ZFYVE28: variants seen among roughly 807,000 people sequenced by gnomAD.
The protein encoded by ZFYVE28 is lateral signaling target protein 2 homolog.
In ZFYVE28, 40 loss-of-function variants were observed where a neutral mutation model predicts 82.1. The ratio of observed to expected loss-of-function variants is 0.49; its 90% CI spans 0.38 to 0.63. ZFYVE28 has a LOEUF of 0.63. Among genes scored for constraint, ZFYVE28 ranks in the 30% least tolerant of loss-of-function variants. The pLI, the probability that ZFYVE28 is intolerant of heterozygous loss-of-function variation, is 0.00. For missense variants in ZFYVE28, 1,321 were observed against 1,242.1 expected, an observed-to-expected ratio of 1.06 and a Z score of -0.96; for synonymous variants, 612 against 546.1, an observed-to-expected ratio of 1.12 and a Z score of -1.68.
rs1174917281 is a variant in ZFYVE28 at position 2,305,270 on chromosome 4, G to C, written c.1070C>G (p.Ser357Cys). 1.9e-6 allele frequency: 3 copies of C among 1,613,032 alleles called. No individual in the cohort carries two copies. The highest frequency in any genetic ancestry group is 2.5e-6 in the Non-Finnish European group (3 of 1,179,984). The change falls in exon 8 of 13, where the codon TCC becomes TGC. Residue 357 changes from serine (S) to cysteine (C), a missense_variant. Physicochemically the swap from Ser to Cys is moderately radical, Grantham distance 112. Transcript: ENST00000290974. ...GGCAATGGGCGGTGAAAGCAAAGAG[G>C]ACATCTCGTCCCCCGCCCTGTGGAC... The part of the protein sequence containing the change: ...RMVHRAGDEM[S>C]SLLSPPIACQ...
chr4:2,354,068 C>T lies in ZFYVE28; in HGVS notation c.45G>A (p.Ser15=), dbSNP rs762324351. 10 of 1,558,866 alleles carry T rather than the reference C, an allele frequency of 6.4e-6. No homozygotes were observed. The highest frequency in any genetic ancestry group is 3.7e-5 in the Admixed American group (2 of 53,434). The stretch of plus-strand genomic sequence containing the variant: ...AGAACCGGGCAAGCAGCTGCGGATC[C>T]GACCTCTGCAGGAGAGAGGGGCCAG... ...FRKWLYKPKR[S]DPQLLARFYY... The change falls in exon 2 of 13, where the codon TCG becomes TCA. Residue 15 remains serine (S), a synonymous_variant. Transcript: ENST00000290974.
intron 7 of ZFYVE28, among the ~76,000 whole-genome samples, chr4:2,314,721 A>G (rs1717959462): frequency 6.6e-6 from 1 of 152,174 alleles, no homozygotes. Context: ...CACAGACACT[A>G]TAATTATTTT....
At chr4:2,398,468 T>A (rs866212216) in intron 1 of ZFYVE28, among the ~76,000 whole-genome samples, 1 of 152,110 alleles carries the variant, frequency 6.6e-6, no homozygotes, top group Admixed American at 6.5e-5. Flanking sequence ...CATGGCAGGT[T>A]TTCACCTATA....
chr4:2,318,458 T>G (rs368912253), intron 7 of ZFYVE28, among the ~76,000 whole-genome samples: 1 of 152,152 alleles, frequency 6.6e-6, no homozygotes, highest in East Asian at 1.9e-4. Flanking sequence ...CTCAGGAGGC[T>G]GAGGCAGGAG....
At chr4:2,391,849 C>T (rs1384703975) in intron 1 of ZFYVE28, among the ~76,000 whole-genome samples, 1 of 151,410 alleles carries the variant, frequency 6.6e-6, no homozygotes, top group Non-Finnish European at 1.5e-5. Flanking sequence ...GATTCCCCTG[C>T]CTCAGGCTCC....
Position 2,380,384 on chromosome 4 carries a change from A to G in ZFYVE28, c.40-26311T>C, listed in dbSNP as rs534658223. Among the ~76,000 whole-genome samples, 192 of 152,282 alleles carry G rather than the reference A, an allele frequency of 1.3e-3. 1 individual carries two copies. Among genetic ancestry groups the G allele is most frequent in the African/African-American group, 4.5e-3 (189 of 41,550 alleles). ...GAGAGCAATAGAGGAACTTCCTGCC[A>G]CTCCAAGAACAACTGCCGAGTTATC... On this transcript the variant is annotated intron_variant, in intron 1 of 12. Transcript: ENST00000290974.
chr4:2,376,112 A>T (rs1409398078), intron 1 of ZFYVE28, among the ~76,000 whole-genome samples: 10 of 151,744 alleles, frequency 6.6e-5, no homozygotes, highest in Non-Finnish European at 1.0e-4. Flanking sequence ...TGACTTCGTG[A>T]TCCGCCCGCC....
chr4:2,405,602 G>A lies in ZFYVE28; in HGVS notation c.39+12683C>T, dbSNP rs533079209. 3.9e-5 allele frequency among the ~76,000 whole-genome samples: 6 copies of A among 152,366 alleles called. No homozygotes were observed. The South Asian group carries it at 8.3e-4, about 21-fold the overall frequency. On this transcript the variant is annotated intron_variant, in intron 1 of 12. Coordinates refer to ENST00000290974, the MANE Select transcript of ZFYVE28 (RefSeq NM_020972.3). ...GCCAGGAAGCCTTCCCTAGGTCAGA[G>A]GGAAGGGGCCGGGGCACAGGAGAGT...
chr4:2,271,821 G>A lies in ZFYVE28; in HGVS notation c.2324-42C>T, dbSNP rs376954264. The A allele has an allele frequency of 4.3e-5, 68 of 1,582,928 alleles. 2 individuals are homozygous for A. In the Middle Eastern group the frequency reaches 5.3e-4, roughly 12 times the overall value. On this transcript the variant is annotated intron_variant, in intron 10 of 12. Coordinates refer to ENST00000290974, the MANE Select transcript of ZFYVE28 (RefSeq NM_020972.3). ...GCCGTCGGGGTATGGTGAGGGAGGC[G>A]GGCAATTGATGCAGGGTCACCTGCA... is the stretch of plus-strand genomic sequence containing the variant.
At chr4:2,415,784 G>A (rs1483284207) in intron 1 of ZFYVE28, among the ~76,000 whole-genome samples, 1 of 152,170 alleles carries the variant, frequency 6.6e-6, no homozygotes, top group Non-Finnish European at 1.5e-5. Flanking sequence ...GCTTTGGTTT[G>A]AAAAATGAAA....
At chr4:2,278,095 G>T (rs1284270876) in intron 8 of ZFYVE28, among the ~76,000 whole-genome samples, 1 of 152,178 alleles carries the variant, frequency 6.6e-6, no homozygotes, top group Non-Finnish European at 1.5e-5. Context: ...AACAAATGCT[G>T]CCGGAAAACC....
At position 2,274,070 on chromosome 4, in the gene ZFYVE28, C is replaced by T; in HGVS notation, c.2198G>A (p.Cys733Tyr). Residue 733 changes from cysteine to tyrosine, a missense_variant, in exon 9 of 13, where the codon TGC (cysteine) becomes TAC (tyrosine). Coordinates refer to ENST00000290974, the MANE Select transcript of ZFYVE28 (RefSeq NM_020972.3). ...AGGCCCTGACATGACACCTGAAATG[C>T]AGACGAACAGGCGGTGGATGAGGTC... is the stretch of plus-strand genomic sequence containing the variant. ...SHDLIHRLFVCISGVADQLQT... is the reference protein window; with the variant it reads ...SHDLIHRLFVYISGVADQLQT... 1 of 1,614,004 alleles carries T rather than the reference C, an allele frequency of 6.2e-7. No homozygotes were observed. The highest frequency in any genetic ancestry group is 8.5e-7 in the Non-Finnish European group (1 of 1,179,964).
At chr4:2,351,919 C>A (rs532217647) in intron 2 of ZFYVE28, among the ~76,000 whole-genome samples, 1 of 152,268 alleles carries the variant, frequency 6.6e-6, no homozygotes, top group East Asian at 1.9e-4. Context: ...CATGTAATAG[C>A]AATACCACTT....
intron 8 of ZFYVE28, among the ~76,000 whole-genome samples, chr4:2,278,764 A>AT (rs1287415590): frequency 2.0e-5 from 3 of 151,444 alleles, no homozygotes; most frequent in African/African-American, 7.3e-5. Flanking sequence ...AAAAAAAAAA[A>AT]CACTACTGAA....
intron 1 of ZFYVE28, among the ~76,000 whole-genome samples, chr4:2,368,817 G>A (rs1044182459): frequency 6.6e-6 from 1 of 152,194 alleles, no homozygotes; most frequent in East Asian, 1.9e-4. Flanking sequence ...AGCTCTCTGG[G>A]TATATATCTA....
Position 2,304,921 on chromosome 4 carries a change from G to T in ZFYVE28, c.1419C>A (p.Leu473=), listed in dbSNP as rs143269293. Residue 473 remains leucine (L), a synonymous_variant, in exon 8 of 13, where the codon CTC becomes CTA. Coordinates refer to ENST00000290974, the MANE Select transcript of ZFYVE28 (RefSeq NM_020972.3). Reference sequence around the variant, plus strand: ...GGCAGCTGCAGGAGCTGGTGCCCGCGAGGCTGGCCCCATCTGTGCCCTCGG... The same window carrying T: ...GGCAGCTGCAGGAGCTGGTGCCCGCTAGGCTGGCCCCATCTGTGCCCTCGG... ...LEAEGTDGAS[L]AGTSSCSCLD... is the part of the protein sequence containing the mutation. 1 of 1,612,610 alleles carries T rather than the reference G, an allele frequency of 6.2e-7. No homozygotes were observed. The highest frequency in any genetic ancestry group is 1.3e-5 in the African/African-American group (1 of 74,930).
chr4:2,304,951 G>C lies in ZFYVE28; in HGVS notation c.1389C>G (p.Leu463=), dbSNP rs61910680. The C allele has an allele frequency of 3.1e-6, 5 of 1,612,582 alleles. No individual in the cohort carries two copies. Among genetic ancestry groups the C allele is most frequent in the East Asian group, 2.2e-5 (1 of 44,876 alleles). Residue 463 remains leucine (L), a synonymous_variant, in exon 8 of 13, where the codon CTC becomes CTG. Coordinates refer to ENST00000290974, the MANE Select transcript of ZFYVE28 (RefSeq NM_020972.3). Reference sequence around the variant, plus strand: ...TGGCCCCATCTGTGCCCTCGGCCTCGAGATTGTTGTTGCTCAAGTCCTCCT... The same window carrying C: ...TGGCCCCATCTGTGCCCTCGGCCTCCAGATTGTTGTTGCTCAAGTCCTCCT... The part of the protein sequence containing the change: ...EKEEDLSNNN[L]EAEGTDGASL...
intron 8 of ZFYVE28, among the ~76,000 whole-genome samples, chr4:2,284,065 G>A (rs536792365): frequency 6.6e-6 from 1 of 152,314 alleles, no homozygotes; most frequent in East Asian, 1.9e-4. Context: ...AGAGTTTGAG[G>A]AACAGAGCAC....
chr4:2,328,896 G>T, intron 6 of ZFYVE28: 11 of 354,850 alleles, frequency 3.1e-5, no homozygotes, highest in South Asian at 1.1e-4. Context: ...TTTCCTTATT[G>T]AATGATCTTG....
Sources: gnomAD v4.1 joint callset for allele counts (sites outside exome capture counted in the v4.1 genomes callset) on GRCh38, gnomAD v4.1.1 for gene constraint, MANE v1.5 for transcripts, NCBI Gene and HGNC (gene_info 2026-07-23, HGNC 2026-07-21) for gene names.